The following USP46 variants were observed in gnomAD, a reference collection of about 807,000 sequenced individuals.
USP46 encodes the protein ubiquitin specific peptidase 46, also known as ubiquitin carboxyl-terminal hydrolase 46.
USP46 carries 12 observed loss-of-function variants against 44.4 expected under a neutral mutation model. The observed-to-expected ratio is 0.27, with a 90% CI of 0.17 to 0.44. USP46 has a LOEUF of 0.44. Among genes scored for constraint, USP46 ranks in the 20% least tolerant of loss-of-function variants. The pLI, the probability that USP46 is intolerant of heterozygous loss-of-function variation, is 1.00. For missense variants in USP46, 248 were observed against 444.8 expected (o/e 0.56, Z 3.98); for synonymous variants, 155 against 161.5 (o/e 0.96, Z 0.31).
intron 5 of USP46, 84 bp downstream of exon 5, chr4:52,610,457 T>C (rs1577665559): frequency 8.3e-7 from 1 of 1,198,860 alleles, no homozygotes; most frequent in East Asian, 2.4e-5. Flanking sequence ...AAGGGAAGAT[T>C]ATGTCCTGAA....
At position 52,601,814 on chromosome 4, in the gene USP46, C is replaced by T. The variant is rs1283598553; in HGVS notation, c.920+43G>A. Reference sequence around the variant, plus strand: ...GGGTATACTTCAGCGAAGAGGCAACCCTTACACTTACCCTGTATACCTGCT... The same window carrying T: ...GGGTATACTTCAGCGAAGAGGCAACTCTTACACTTACCCTGTATACCTGCT... On this transcript the variant is annotated intron_variant, in intron 7 of 8. Coordinates refer to ENST00000441222, the MANE Select transcript of USP46 (RefSeq NM_022832.4). 4 of 1,590,388 alleles carry T rather than the reference C, an allele frequency of 2.5e-6. No homozygotes were observed. In the African/African-American group the frequency reaches 5.4e-5, roughly 21 times the overall value.
intron 1 of USP46, among the ~76,000 whole-genome samples, chr4:52,632,979 A>AG (rs1473419722): frequency 2.2e-4 from 17 of 77,092 alleles, no homozygotes; most frequent in African/African-American, 1.1e-3. Flanking sequence ...AAAGAAAGAA[A>AG]GAAAGAAAAG....
intron 4 of USP46, among the ~76,000 whole-genome samples, chr4:52,617,899 T>A (rs1367318628): frequency 6.6e-6 from 1 of 152,206 alleles, no homozygotes; most frequent in Admixed American, 6.5e-5. Context: ...ACAAGCTATA[T>A]CTTATTCTCC....
At chr4:52,626,871 T>A (rs1357502757) in intron 3 of USP46, among the ~76,000 whole-genome samples, 2 of 152,226 alleles carry the variant, frequency 1.3e-5, no homozygotes, top group Non-Finnish European at 2.9e-5. Context: ...AAAATATCAA[T>A]TTTTAATATG....
intron 5 of USP46, among the ~76,000 whole-genome samples, chr4:52,609,995 G>A (rs189385): frequency 5.2e-5 from 6 of 114,984 alleles, no homozygotes; most frequent in East Asian, 2.8e-4. Flanking sequence ...GCGCGATCTC[G>A]ACTCACTGCA....
chr4:52,633,944 C>T (rs540049461), intron 1 of USP46, among the ~76,000 whole-genome samples: 2 of 152,300 alleles, frequency 1.3e-5, no homozygotes, highest in Admixed American at 6.5e-5. Flanking sequence ...GCTCTCTGTG[C>T]TTTCAGTGAA....
intron 7 of USP46, among the ~76,000 whole-genome samples, chr4:52,601,425 A>G (rs922761676): frequency 6.6e-6 from 1 of 152,192 alleles, no homozygotes; most frequent in Non-Finnish European, 1.5e-5. Flanking sequence ...TTAAGAATAT[A>G]TTTTTAATCA....
intron 1 of USP46, among the ~76,000 whole-genome samples, chr4:52,649,090 C>T (rs1718663021): frequency 6.6e-6 from 1 of 152,208 alleles, no homozygotes. Context: ...CCAAACCATG[C>T]TGTGAATTTG....
chr4:52,608,203 G>A (rs1716773156), intron 5 of USP46, among the ~76,000 whole-genome samples: 1 of 152,244 alleles, frequency 6.6e-6, no homozygotes, highest in South Asian at 2.1e-4. Context: ...TTTAAAAAAT[G>A]CAGAAAGACT....
intron 1 of USP46, among the ~76,000 whole-genome samples, chr4:52,646,557 C>T (rs1369637400): frequency 6.6e-6 from 1 of 151,974 alleles, no homozygotes; most frequent in Non-Finnish European, 1.5e-5. Flanking sequence ...TTGTATCTGT[C>T]AAGTTTAGTA....
intron 2 of USP46, among the ~76,000 whole-genome samples, chr4:52,629,164 T>C (rs955794918): frequency 6.6e-6 from 1 of 152,238 alleles, no homozygotes; most frequent in African/African-American, 2.4e-5. Flanking sequence ...TGTGTGTCGT[T>C]TACCCAAGAG....
At chr4:52,624,779 C>T (rs894092460) in intron 4 of USP46, among the ~76,000 whole-genome samples, 1 of 152,116 alleles carries the variant, frequency 6.6e-6, no homozygotes, top group Non-Finnish European at 1.5e-5. Flanking sequence ...AAGATTTGTA[C>T]CCTTATAAAA....
chr4:52,604,625 T>C (rs1553888964), intron 5 of USP46, 41 bp from the exon 6 acceptor site: 1 of 1,400,068 alleles, frequency 7.1e-7, no homozygotes. Context: ...AATGTCCAAA[T>C]CTACTTGGTA....
intron 5 of USP46, among the ~76,000 whole-genome samples, chr4:52,607,202 A>G (rs1716718425): frequency 6.6e-6 from 1 of 152,228 alleles, no homozygotes; most frequent in Non-Finnish European, 1.5e-5. Context: ...ACCTAATGTA[A>G]AGACCCATTT....
At chr4:52,627,836 C>T (rs945085597) in intron 3 of USP46, 114 bp downstream of exon 3, 3 of 1,173,136 alleles carry the variant, frequency 2.6e-6, no homozygotes, top group Non-Finnish European at 3.5e-6. Flanking sequence ...GAGTAGTTAA[C>T]CATGCTTATT....
intron 1 of USP46, among the ~76,000 whole-genome samples, chr4:52,647,179 A>T (rs1577697042): frequency 6.6e-6 from 1 of 152,110 alleles, no homozygotes; most frequent in African/African-American, 2.4e-5. Flanking sequence ...CTTCCCACAG[A>T]CCCTCCTACA....
intron 3 of USP46, 134 bp from the exon 4 acceptor site, chr4:52,626,381 G>A: frequency 1.4e-6 from 1 of 731,002 alleles, no homozygotes; most frequent in Admixed American, 3.0e-5. Flanking sequence ...AGAGCGTAGT[G>A]GCATGATCTC....
chr4:52,641,388 T>G (rs1718335747), intron 1 of USP46, among the ~76,000 whole-genome samples: 1 of 152,148 alleles, frequency 6.6e-6, no homozygotes, highest in African/African-American at 2.4e-5. Flanking sequence ...TCAAAGCACC[T>G]CTGAAAGCAA....
intron 1 of USP46, among the ~76,000 whole-genome samples, chr4:52,650,365 A>T (rs1222027606): frequency 6.6e-6 from 1 of 152,266 alleles, no homozygotes; most frequent in East Asian, 1.9e-4. Context: ...GATTTTATCC[A>T]CACACAAACG....
Sources: allele counts gnomAD v4.1 joint callset (sites outside exome capture counted in the v4.1 genomes callset), GRCh38; gene constraint gnomAD v4.1.1; transcripts MANE v1.5; gene names NCBI Gene and HGNC (gene_info 2026-07-23, HGNC 2026-07-21).